SPTBN4: variants seen among roughly 807,000 people sequenced by gnomAD.
The protein encoded by SPTBN4 is spectrin beta chain, non-erythrocytic 4.
In SPTBN4, 96 loss-of-function variants were observed where a neutral mutation model predicts 277.8. That is an observed-to-expected ratio of 0.35 (90% CI 0.29 to 0.41). SPTBN4 has a LOEUF of 0.41. Ranked by LOEUF, SPTBN4 falls within the 10% of genes least tolerant of loss-of-function variation. The pLI, the probability that SPTBN4 is intolerant of heterozygous loss-of-function variation, is 1.00. For missense variants in SPTBN4, 3,006 were observed against 3,595.7 expected (o/e 0.84, Z 4.19); for synonymous variants, 1,481 against 1,580.3 (o/e 0.94, Z 1.49).
chr19:40,574,794 C>T (rs1361880256), intron 35 of SPTBN4, among the ~76,000 whole-genome samples: 1 of 152,094 alleles, frequency 6.6e-6, no homozygotes, highest in East Asian at 1.9e-4. Context: ...GTGGGCAGAT[C>T]ATTTGAGGTC....
chr19:40,546,682 A>G (rs895446601), intron 20 of SPTBN4, among the ~76,000 whole-genome samples: 5 of 152,124 alleles, frequency 3.3e-5, no homozygotes, highest in African/African-American at 7.2e-5. Context: ...CTTTATGACA[A>G]ATTTCAAAAA....
rs1316081282 is a variant in SPTBN4, at chr19:40,467,045, G to A, written c.-276G>A. 6.6e-6 allele frequency among the ~76,000 whole-genome samples: 1 copy of A among 151,202 alleles called. No individual in the cohort carries two copies. Among genetic ancestry groups the A allele is most frequent in the East Asian group, 1.9e-4 (1 of 5,182 alleles). ...AGCCGTGCACCCCACGCCGCGGCCG[G>A]GTGTGACTGCGCGTGGGCCTCGGGC... is the stretch of plus-strand genomic sequence containing the variant. On this transcript the variant is annotated 5_prime_UTR_variant, in exon 1 of 36. Transcript: ENST00000598249.
intron 2 of SPTBN4, among the ~76,000 whole-genome samples, chr19:40,480,251 CAA>C (rs34559298): frequency 3.0e-4 from 28 of 93,704 alleles, no homozygotes; most frequent in South Asian, 7.3e-4. Flanking sequence ...GACTCCGTCT[CAA>C]AAAAAAAAAA....
chr19:40,542,271 C>T (rs146831756), intron 20 of SPTBN4, among the ~76,000 whole-genome samples: 3,669 of 152,248 alleles, frequency 0.024, 69 homozygotes, highest in Non-Finnish European at 0.035. Flanking sequence ...TTCCCGTGTT[C>T]CTCATGTCCT....
intron 6 of SPTBN4, 40 bp from the exon 7 acceptor site, chr19:40,497,449 G>A (rs373101353): frequency 9.2e-6 from 14 of 1,520,292 alleles, no homozygotes; most frequent in Non-Finnish European, 1.3e-5. Context: ...GCCGGCTCTG[G>A]AGCCTGCCTG....
chr19:40,519,751 C>A lies in SPTBN4; in HGVS notation c.3254C>A (p.Ala1085Glu), dbSNP rs1330762701. 1 of 1,402,684 alleles carries A rather than the reference C, an allele frequency of 7.1e-7. No homozygotes were observed. The highest frequency in any genetic ancestry group is 3.5e-5 in the Admixed American group (1 of 28,406). 86.9% of individuals were successfully genotyped at this position (1,402,684 alleles called of 1,614,324 possible). The change falls in exon 16 of 36, where the codon GCG becomes GAG. Residue 1085 changes from alanine to glutamate, a missense_variant. Coordinates refer to ENST00000598249, the MANE Select transcript of SPTBN4 (RefSeq NM_020971.3). This position sits in a 1 kb window ranked among gnomAD's most constrained non-coding sequence, Gnocchi z 5.7. ...SAAQACGEAV[A>E]AAGRLQRFLH... ...GCTCAGGCCTGCGGCGAGGCGGTGG[C>A]GGCAGCAGGGCGCCTGCAGCGCTTC...
intron 20 of SPTBN4, among the ~76,000 whole-genome samples, chr19:40,540,545 A>G (rs1052502188): frequency 1.4e-4 from 21 of 151,974 alleles, no homozygotes; most frequent in African/African-American, 4.1e-4. Flanking sequence ...CCTGGCCCCA[A>G]AACACATTTT....
intron 5 of SPTBN4, 148 bp downstream of exon 5, chr19:40,493,202 T>C (rs1021456616): frequency 7.9e-6 from 5 of 636,456 alleles, no homozygotes; most frequent in African/African-American, 1.8e-5. Context: ...AAATAAAATA[T>C]GTCCACTTCT....
At chr19:40,481,398 T>G (rs1419356887) in intron 2 of SPTBN4, among the ~76,000 whole-genome samples, 1 of 152,086 alleles carries the variant, frequency 6.6e-6, no homozygotes, top group Non-Finnish European at 1.5e-5. Context: ...CCCGTTTGTA[T>G]CGTTTTATAT....
chr19:40,505,275 C>T (rs814521), intron 12 of SPTBN4, among the ~76,000 whole-genome samples: 24,581 of 146,024 alleles, frequency 0.17, 2,527 homozygotes, highest in African/African-American at 0.28. Context: ...CTTGTAGTCC[C>T]AGCTACTCTG....
intron 33 of SPTBN4, chr19:40,570,930 T>C: frequency 2.0e-6 from 1 of 500,948 alleles, no homozygotes; most frequent in Non-Finnish European, 3.3e-6. Context: ...TGGTTTAACG[T>C]CAGGCCCTCC....
chr19:40,492,134 G>A (rs2080145388), intron 4 of SPTBN4, among the ~76,000 whole-genome samples: 3 of 152,266 alleles, frequency 2.0e-5, no homozygotes, highest in Admixed American at 6.5e-5. Flanking sequence ...GTTGGACCAG[G>A]GTGGGACTAT....
At chr19:40,543,154 G>A (rs1033764134) in intron 20 of SPTBN4, among the ~76,000 whole-genome samples, 4 of 152,030 alleles carry the variant, frequency 2.6e-5, no homozygotes, top group Admixed American at 2.6e-4. Flanking sequence ...TTTTCCTGGC[G>A]AAAATGGGGA....
chr19:40,483,840 TAAC>T (rs888306314), intron 2 of SPTBN4, among the ~76,000 whole-genome samples: 2 of 152,196 alleles, frequency 1.3e-5, no homozygotes, highest in African/African-American at 4.8e-5. Flanking sequence ...TCTGTACTAA[TAAC>T]TGGCCAGGTG....
At chr19:40,530,529 T>G in intron 18 of SPTBN4, 1 of 978,528 alleles carries the variant, frequency 1.0e-6, no homozygotes, top group Non-Finnish European at 1.2e-6. Flanking sequence ...CCGTCGCAGT[T>G]GAGGGGCGAG....
intron 2 of SPTBN4, among the ~76,000 whole-genome samples, chr19:40,487,035 G>T (rs965372352): frequency 4.6e-5 from 7 of 151,396 alleles, no homozygotes; most frequent in African/African-American, 1.7e-4. Flanking sequence ...TGCTGAGGCT[G>T]GACTCTCTTT....
Position 40,568,122 on chromosome 19 carries a change from C to T in SPTBN4, c.6796C>T (p.Arg2266Trp), listed in dbSNP as rs1164083238. 6.4e-7 allele frequency: 1 copy of T among 1,572,398 alleles called. No individual in the cohort carries two copies. The highest frequency in any genetic ancestry group is 8.6e-7 in the Non-Finnish European group (1 of 1,159,256). Residue 2266 changes from arginine to tryptophan, a missense_variant, in exon 31 of 36, where the codon CGG becomes TGG. By Grantham distance (101) the Arg-to-Trp change is moderately radical. Transcript: ENST00000598249. ...DQSEEAARRR[R>W]PERQESAEHE... Reference sequence around the variant, plus strand: ...ATCCGAGGAGGCTGCGCGGAGGCGGCGGCCGGAGCGGCAGGAGTCAGCGGA... The same window carrying T: ...ATCCGAGGAGGCTGCGCGGAGGCGGTGGCCGGAGCGGCAGGAGTCAGCGGA...
At chr19:40,518,756 A>G (rs57063229) in intron 15 of SPTBN4, among the ~76,000 whole-genome samples, 31,751 of 151,998 alleles carry the variant, frequency 0.21, 3,881 homozygotes, top group Non-Finnish European at 0.28. Context: ...AAAAATAACA[A>G]TACACTGGGA....
chr19:40,553,962 A>G (rs978729256), intron 22 of SPTBN4, among the ~76,000 whole-genome samples, 185 bp from the exon 23 acceptor site: 3 of 152,174 alleles, frequency 2.0e-5, no homozygotes, highest in Non-Finnish European at 2.9e-5. Context: ...ACCTGCAGCA[A>G]GCATAGGGTT....
Sources: allele counts gnomAD v4.1 joint callset (sites outside exome capture counted in the v4.1 genomes callset), GRCh38; gene constraint gnomAD v4.1.1; non-coding constraint Gnocchi (gnomAD v3.1); transcripts MANE v1.5; gene names NCBI Gene and HGNC (gene_info 2026-07-23, HGNC 2026-07-21).